The following EXOC6B variants were observed in gnomAD, a reference collection of about 807,000 sequenced individuals.
The protein encoded by EXOC6B is exocyst complex component 6B, also known as SEC15 homolog B.
A neutral mutation model predicts 113.5 loss-of-function variants in EXOC6B; 54 were observed. The ratio of observed to expected loss-of-function variants is 0.48; its 90% confidence interval spans 0.38 to 0.60. The LOEUF is 0.60. EXOC6B is among the 20% of genes least tolerant of loss of function. The pLI, the probability that EXOC6B is intolerant of heterozygous loss-of-function variation, is 0.00. For synonymous variants in EXOC6B, 357 were observed against 339.0 expected (o/e 1.05, Z -0.58); for missense variants, 797 against 977.5 (o/e 0.82, Z 2.46).
chr2:72,415,674 C>T (rs1308059767), intron 18 of EXOC6B, among the ~76,000 whole-genome samples: 2 of 152,092 alleles, frequency 1.3e-5, no homozygotes, highest in African/African-American at 4.8e-5. Flanking sequence ...TGATGGAACA[C>T]TGCTTTTCCT....
intron 6 of EXOC6B, among the ~76,000 whole-genome samples, chr2:72,650,880 T>TAAA (rs60060107): frequency 7.5e-6 from 1 of 133,780 alleles, no homozygotes. Context: ...TGGCAGTTTC[T>TAAA]AAAAAAAAAA....
At chr2:72,202,553 T>C (rs1679554169) in intron 20 of EXOC6B, among the ~76,000 whole-genome samples, 1 of 152,220 alleles carries the variant, frequency 6.6e-6, no homozygotes, top group African/African-American at 2.4e-5. Flanking sequence ...GAGTTCCCTC[T>C]AGGACCTTAC....
In EXOC6B at chr2:72,764,205, C is replaced by G. The variant is rs552807236; in HGVS notation, c.114-22736G>C. On this transcript the variant is annotated intron_variant, in intron 1 of 21. Coordinates refer to ENST00000272427, the MANE Select transcript of EXOC6B (RefSeq NM_015189.3). ...TCATGATACCATATCATTCCTTTTC[C>G]TCTCCTCTCAATACTTATATACCCC... Among the ~76,000 whole-genome samples, 7 of 151,330 alleles carry G rather than the reference C, an allele frequency of 4.6e-5. No individual in the cohort carries two copies. In the South Asian group the frequency reaches 1.5e-3, roughly 32 times the overall value.
At chr2:72,351,981 A>G (rs1312658548) in intron 19 of EXOC6B, among the ~76,000 whole-genome samples, 1 of 152,152 alleles carries the variant, frequency 6.6e-6, no homozygotes, top group Admixed American at 6.5e-5. Context: ...CCTCTTCAGT[A>G]TGCTCTTTAT....
At chr2:72,267,698 G>A (rs187838040) in intron 20 of EXOC6B, among the ~76,000 whole-genome samples, 1 of 152,236 alleles carries the variant, frequency 6.6e-6, no homozygotes, top group East Asian at 1.9e-4. Flanking sequence ...GTTCATCAAG[G>A]ATATTGGTCT....
intron 6 of EXOC6B, among the ~76,000 whole-genome samples, chr2:72,581,938 G>A (rs1236109872): frequency 6.6e-6 from 1 of 152,150 alleles, no homozygotes; most frequent in Non-Finnish European, 1.5e-5. Flanking sequence ...CATTGCCTGA[G>A]GCAACAGAGA....
chr2:72,440,193 C>G (rs1036925453), intron 18 of EXOC6B, among the ~76,000 whole-genome samples: 1 of 152,122 alleles, frequency 6.6e-6, no homozygotes, highest in African/African-American at 2.4e-5. Flanking sequence ...TCTGGAAATA[C>G]TTTCATAGAG....
chr2:72,372,437 A>T (rs1691085861), intron 19 of EXOC6B, among the ~76,000 whole-genome samples: 1 of 152,228 alleles, frequency 6.6e-6, no homozygotes, highest in Admixed American at 6.5e-5. Context: ...AGCTATAGTA[A>T]TAACAACAGC....
intron 6 of EXOC6B, among the ~76,000 whole-genome samples, chr2:72,630,403 G>A (rs1360482068): frequency 3.9e-5 from 6 of 152,090 alleles, no homozygotes; most frequent in Non-Finnish European, 7.4e-5. Context: ...GGCCTATACT[G>A]CCCATGGAAA....
intron 8 of EXOC6B, among the ~76,000 whole-genome samples, chr2:72,518,271 C>T (rs1031886765): frequency 2.6e-5 from 4 of 152,058 alleles, no homozygotes; most frequent in Non-Finnish European, 5.9e-5. Context: ...TTTTTTCCTA[C>T]TTTATATCAT....
chr2:72,621,692 G>A (rs1213095638), intron 6 of EXOC6B, among the ~76,000 whole-genome samples: 1 of 152,086 alleles, frequency 6.6e-6, no homozygotes, highest in African/African-American at 2.4e-5. Context: ...GAGGTAGCTG[G>A]ACAACCAAAT....
At chr2:72,681,839 T>C (rs569662381) in intron 6 of EXOC6B, among the ~76,000 whole-genome samples, 1 of 152,010 alleles carries the variant, frequency 6.6e-6, no homozygotes, top group African/African-American at 2.4e-5. Context: ...GCCACAACAA[T>C]AGGGTAGTCT....
rs575313335 is a variant in EXOC6B at position 72,310,797 on chromosome 2, CATTT to C, written c.2196+24146_2196+24149del. ...TAATTTTTATTACAGTAATCACTAT[CATTT>C]ATTAAGCCTCTACCATATGCCAGGC... On this transcript the variant is annotated intron_variant, in intron 20 of 21. Transcript: ENST00000272427. Among the ~76,000 whole-genome samples the C allele has an allele frequency of 3.5e-3, 534 of 151,454 alleles. 2 individuals are homozygous for C. Among genetic ancestry groups the C allele is most frequent in the Non-Finnish European group, 6.4e-3 (435 of 67,816 alleles).
chr2:72,496,607 G>A (rs1224435263), intron 13 of EXOC6B, 48 bp from the exon 14 acceptor site: 4 of 1,169,008 alleles, frequency 3.4e-6, no homozygotes, highest in African/African-American at 1.5e-5. Flanking sequence ...AGACAAAGTG[G>A]GGGGGTAGGG....
chr2:72,524,150 T>TAAAAAA (rs372964134), intron 8 of EXOC6B, among the ~76,000 whole-genome samples: 1 of 116,758 alleles, frequency 8.6e-6, no homozygotes, highest in Non-Finnish European at 1.8e-5. Context: ...ATACAGAGTT[T>TAAAAAA]AAAAAAAAAA....
chr2:72,348,202 G>A (rs1293096298), intron 19 of EXOC6B, among the ~76,000 whole-genome samples: 4 of 152,090 alleles, frequency 2.6e-5, no homozygotes, highest in Non-Finnish European at 5.9e-5. Context: ...GGTCACTTTC[G>A]TAAGGACACT....
At chr2:72,625,236 T>G (rs780445057) in intron 6 of EXOC6B, among the ~76,000 whole-genome samples, 14 of 151,052 alleles carry the variant, frequency 9.3e-5, no homozygotes, top group Non-Finnish European at 1.3e-4. Flanking sequence ...AAAATACATA[T>G]ATATATGAAT....
chr2:72,820,565 G>C (rs1183017696), intron 1 of EXOC6B, among the ~76,000 whole-genome samples: 1 of 152,060 alleles, frequency 6.6e-6, no homozygotes, highest in African/African-American at 2.4e-5. Flanking sequence ...CTGAAAACTA[G>C]AGCAAACTTC....
intron 20 of EXOC6B, among the ~76,000 whole-genome samples, chr2:72,232,648 A>G (rs1681699662): frequency 6.6e-6 from 1 of 152,252 alleles, no homozygotes; most frequent in East Asian, 1.9e-4. Flanking sequence ...TGTTAATAAT[A>G]GGAGATGCTC....
Sources: gnomAD v4.1 joint callset for allele counts (sites outside exome capture counted in the v4.1 genomes callset) on GRCh38, gnomAD v4.1.1 for gene constraint, MANE v1.5 for transcripts, NCBI Gene and HGNC (gene_info 2026-07-23, HGNC 2026-07-21) for gene names.